Variants in SLCO6A1 observed in about 807,000 individuals in gnomAD.
The protein encoded by SLCO6A1 is cancer/testis antigen 48.
In SLCO6A1, 65 loss-of-function variants were observed where a neutral mutation model predicts 72.7. The ratio of observed to expected loss-of-function variants is 0.89; its 90% CI spans 0.73 to 1.10. The LOEUF is 1.10. SLCO6A1 is among the 50% of genes least tolerant of loss of function. The pLI, the probability that SLCO6A1 is intolerant of heterozygous loss-of-function variation, is 0.00. For missense variants in SLCO6A1, 874 were observed against 872.6 expected (o/e 1.00, Z -0.02); for synonymous variants, 314 against 298.2 (o/e 1.05, Z -0.55).
At chr5:102,398,982 C>T (rs549746439) in intron 10 of SLCO6A1, among the ~76,000 whole-genome samples, 1 of 150,416 alleles carries the variant, frequency 6.6e-6, no homozygotes, top group South Asian at 2.1e-4. Flanking sequence ...TTTTTGTTAG[C>T]GTCTTGAAAA....
At chr5:102,478,080 G>A (rs927206358) in intron 2 of SLCO6A1, among the ~76,000 whole-genome samples, 1 of 152,004 alleles carries the variant, frequency 6.6e-6, no homozygotes, top group African/African-American at 2.4e-5. Context: ...GCACACACCT[G>A]TAGTACCAGC....
intron 1 of SLCO6A1, among the ~76,000 whole-genome samples, chr5:102,481,658 A>G (rs1752201165): frequency 6.6e-6 from 1 of 152,102 alleles, no homozygotes; most frequent in African/African-American, 2.4e-5. Context: ...TTCCTCTCAT[A>G]TTTAAACTTT....
intron 6 of SLCO6A1, among the ~76,000 whole-genome samples, chr5:102,443,305 G>T (rs529011576): frequency 6.6e-6 from 1 of 152,248 alleles, no homozygotes; most frequent in Admixed American, 6.5e-5. Context: ...TATTCATCTA[G>T]GTCTATTTTA....
Position 102,477,638 on chromosome 5 carries a change from C to A in SLCO6A1, c.802+38G>T, listed in dbSNP as rs188982812. The A allele has an allele frequency of 6.4e-6, 10 of 1,566,670 alleles. No homozygotes were observed. In the African/African-American group the frequency reaches 1.4e-4, roughly 21 times the overall value. ...TGCATACCAAAATTCAAAGAAAACTCAAAATGGGTCAATCGTAATAGAGGG... is the reference window on the plus strand; with the variant it reads ...TGCATACCAAAATTCAAAGAAAACTAAAAATGGGTCAATCGTAATAGAGGG... On this transcript the variant is annotated intron_variant, in intron 3 of 13. Transcript: ENST00000506729.
chr5:102,443,690 A>G (rs1749960157), intron 6 of SLCO6A1, among the ~76,000 whole-genome samples: 1 of 152,244 alleles, frequency 6.6e-6, no homozygotes, highest in Admixed American at 6.5e-5. Flanking sequence ...GGACTGTGAG[A>G]ATAGCAAATA....
intron 1 of SLCO6A1, among the ~76,000 whole-genome samples, chr5:102,494,556 T>G (rs927475015): frequency 3.9e-5 from 6 of 152,156 alleles, no homozygotes; most frequent in African/African-American, 1.2e-4. Context: ...CCAGATTATA[T>G]AAAGAACACT....
chr5:102,413,234 G>T, intron 8 of SLCO6A1, 91 bp from the exon 9 acceptor site: 1 of 1,246,630 alleles, frequency 8.0e-7, no homozygotes, highest in Non-Finnish European at 1.1e-6. Flanking sequence ...CATAAAATAT[G>T]CTTATTGAAA....
chr5:102,490,161 G>A (rs1752609708), intron 1 of SLCO6A1, among the ~76,000 whole-genome samples: 1 of 152,154 alleles, frequency 6.6e-6, no homozygotes, highest in Admixed American at 6.5e-5. Context: ...ATCAATTCTG[G>A]TGCTCTGTTG....
At chr5:102,491,967 G>A (rs754864742) in intron 1 of SLCO6A1, among the ~76,000 whole-genome samples, 6 of 152,250 alleles carry the variant, frequency 3.9e-5, no homozygotes, top group Non-Finnish European at 7.3e-5. Flanking sequence ...GAGGCCTCAG[G>A]AAGCTTACAA....
chr5:102,450,084 G>A (rs986175937), intron 6 of SLCO6A1, among the ~76,000 whole-genome samples: 3 of 152,122 alleles, frequency 2.0e-5, no homozygotes, highest in African/African-American at 4.8e-5. Context: ...GCATTATTCT[G>A]AATATCTAAA....
intron 4 of SLCO6A1, among the ~76,000 whole-genome samples, chr5:102,468,346 C>A (rs556094787): frequency 6.6e-6 from 1 of 152,070 alleles, no homozygotes; most frequent in South Asian, 2.1e-4. Context: ...CTGTTAAGTC[C>A]ATTTGTTCTA....
intron 1 of SLCO6A1, among the ~76,000 whole-genome samples, 174 bp from the exon 2 acceptor site, chr5:102,480,608 C>T (rs1752146757): frequency 6.6e-6 from 1 of 152,074 alleles, no homozygotes; most frequent in Admixed American, 6.6e-5. Context: ...AGGCCTTAAC[C>T]TCTACAAAAT....
Position 102,457,471 on chromosome 5 carries a change from T to C in SLCO6A1, c.1131+911A>G, listed in dbSNP as rs984768121. Reference sequence around the variant, plus strand: ...TGAACAGACACTTCTCAAAAAAAGATATTTATGCTGCCAAAAGACACATGA... The same window carrying C: ...TGAACAGACACTTCTCAAAAAAAGACATTTATGCTGCCAAAAGACACATGA... On this transcript the variant is annotated intron_variant, in intron 6 of 13. Transcript: ENST00000506729. Among the ~76,000 whole-genome samples, 318 of 151,328 alleles carry C rather than the reference T, an allele frequency of 2.1e-3. 3 individuals are homozygous for C. Among genetic ancestry groups the C allele is most frequent in the African/African-American group, 7.3e-3 (302 of 41,342 alleles).
chr5:102,388,435 T>C (rs1580335415), intron 12 of SLCO6A1, among the ~76,000 whole-genome samples: 1 of 152,218 alleles, frequency 6.6e-6, no homozygotes, highest in East Asian at 1.9e-4. Flanking sequence ...CCTTTCAGGC[T>C]CAAGAGACCC....
At chr5:102,417,720 T>C (rs1748363662) in intron 8 of SLCO6A1, among the ~76,000 whole-genome samples, 1 of 152,192 alleles carries the variant, frequency 6.6e-6, no homozygotes, top group Non-Finnish European at 1.5e-5. Flanking sequence ...AGATTCATAT[T>C]TACATCTGGT....
chr5:102,386,390 G>A (rs769825020), intron 12 of SLCO6A1, among the ~76,000 whole-genome samples: 1 of 152,188 alleles, frequency 6.6e-6, no homozygotes, highest in Admixed American at 6.5e-5. Context: ...GGTGGGCCTT[G>A]TTTCTGCATC....
At chr5:102,418,658 C>A (rs1050159411) in intron 8 of SLCO6A1, among the ~76,000 whole-genome samples, 3 of 152,192 alleles carry the variant, frequency 2.0e-5, no homozygotes, top group African/African-American at 7.2e-5. Flanking sequence ...ATTAAGAGAC[C>A]AAATTAACTC....
At chr5:102,374,487 G>T (rs1745668252) in intron 12 of SLCO6A1, among the ~76,000 whole-genome samples, 1 of 151,964 alleles carries the variant, frequency 6.6e-6, no homozygotes, top group Non-Finnish European at 1.5e-5. Context: ...ATGGGATCTT[G>T]CTAGTTTGCC....
intron 1 of SLCO6A1, among the ~76,000 whole-genome samples, chr5:102,482,047 A>C (rs75819358): frequency 0.015 from 2,294 of 152,292 alleles, 23 homozygotes; most frequent in African/African-American, 0.026. Flanking sequence ...ATTTTCTTTA[A>C]CTTTTACATT....
Sources: allele counts gnomAD v4.1 joint callset (sites outside exome capture counted in the v4.1 genomes callset), GRCh38; gene constraint gnomAD v4.1.1; transcripts MANE v1.5; gene names NCBI Gene and HGNC (gene_info 2026-07-23, HGNC 2026-07-21).